CPS1: variants seen among roughly 807,000 people sequenced by gnomAD.
CPS1 encodes the protein carbamoyl-phosphate synthase 1, also known as carbamoyl-phosphate synthase [ammonia], mitochondrial.
CPS1 carries 109 observed loss-of-function variants against 174.6 expected under a neutral mutation model. The observed-to-expected ratio is 0.62, with a 90% CI of 0.53 to 0.73. The LOEUF is 0.73. Ranked by LOEUF, CPS1 falls within the 30% of genes least tolerant of loss-of-function variation. The pLI, the probability that CPS1 is intolerant of heterozygous loss-of-function variation, is 0.00. For missense variants in CPS1, 1,689 were observed against 1,821.9 expected (o/e 0.93, Z 1.33); for synonymous variants, 637 against 632.0 (o/e 1.01, Z -0.12).
intron 7 of CPS1, 53 bp from the exon 8 acceptor site, chr2:210,590,053 C>T: frequency 6.2e-7 from 1 of 1,609,246 alleles, no homozygotes; most frequent in African/African-American, 1.3e-5. Flanking sequence ...CAAAATTATA[C>T]TTTGGCAAAG....
intron 21 of CPS1, among the ~76,000 whole-genome samples, chr2:210,627,381 C>G (rs890130967): frequency 6.6e-6 from 1 of 152,012 alleles, no homozygotes; most frequent in African/African-American, 2.4e-5. Context: ...GTACAAATAC[C>G]TTGCCTTCCA....
At chr2:210,641,743 T>A (rs1267591538) in intron 24 of CPS1, among the ~76,000 whole-genome samples, 2 of 152,228 alleles carry the variant, frequency 1.3e-5, no homozygotes, top group African/African-American at 4.8e-5. Flanking sequence ...GCTTACTTGA[T>A]AGTTGCCATT....
chr2:210,667,564 G>T (rs1004839542), intron 33 of CPS1, among the ~76,000 whole-genome samples: 2 of 152,088 alleles, frequency 1.3e-5, no homozygotes, highest in African/African-American at 2.4e-5. Flanking sequence ...TCCCCATATG[G>T]CTGTGGTATT....
At chr2:210,668,701 C>T (rs908293034) in intron 34 of CPS1, among the ~76,000 whole-genome samples, 1 of 152,060 alleles carries the variant, frequency 6.6e-6, no homozygotes, top group Non-Finnish European at 1.5e-5. Context: ...TGATTTTCCC[C>T]CTTGCCAATT....
chr2:210,597,389 C>A (rs1428509745), intron 13 of CPS1, among the ~76,000 whole-genome samples: 1 of 151,770 alleles, frequency 6.6e-6, no homozygotes. Context: ...GCTATGTGAC[C>A]TTTAGCAAAC....
chr2:210,578,324 G>A (rs891528817), intron 4 of CPS1, among the ~76,000 whole-genome samples: 2 of 152,040 alleles, frequency 1.3e-5, no homozygotes, highest in Non-Finnish European at 2.9e-5. Flanking sequence ...TGGCCAGGCT[G>A]GTCTCAAACT....
intron 1 of CPS1, among the ~76,000 whole-genome samples, chr2:210,535,377 T>C (rs1696219228): frequency 6.6e-6 from 1 of 152,116 alleles, no homozygotes; most frequent in African/African-American, 2.4e-5. Flanking sequence ...TCCCAATCCC[T>C]CCACATATTA....
intron 1 of CPS1, among the ~76,000 whole-genome samples, chr2:210,529,820 C>T (rs1034159295): frequency 3.3e-5 from 5 of 151,866 alleles, no homozygotes; most frequent in African/African-American, 1.2e-4. Context: ...TTATTCTATC[C>T]CCATTTTATT....
At chr2:210,666,106 T>G (rs1288522031) in intron 33 of CPS1, among the ~76,000 whole-genome samples, 1 of 152,070 alleles carries the variant, frequency 6.6e-6, no homozygotes, top group Non-Finnish European at 1.5e-5. Flanking sequence ...ATGTGTCTTT[T>G]GGCTGCATAA....
Position 210,590,127 on chromosome 2 carries a change from G to C in CPS1, c.733G>C (p.Val245Leu). The C allele has an allele frequency of 6.2e-7, 1 of 1,612,826 alleles. No individual in the cohort carries two copies. The highest frequency in any genetic ancestry group is 8.5e-7 in the Non-Finnish European group (1 of 1,179,130). The change falls in exon 8 of 38, where the codon GTT becomes CTT. Residue 245 changes from valine to leucine, a missense_variant. Coordinates refer to ENST00000233072, the MANE Select transcript of CPS1 (RefSeq NM_001875.5). ...LVKRGAEVHL[V>L]PWNHDFTKME... ...CCAGCGAGGAGCTGAAGTGCACTTA[G>C]TTCCCTGGAACCATGATTTCACCAA...
intron 1 of CPS1, among the ~76,000 whole-genome samples, chr2:210,523,934 G>GGCTAGCCA (rs778801142): frequency 6.6e-6 from 1 of 151,928 alleles, no homozygotes; most frequent in Non-Finnish European, 1.5e-5. Context: ...TGAGGTCAAG[G>GGCTAGCCA]GCTAGCCATA....
At chr2:210,644,554 T>C (rs919250307) in intron 25 of CPS1, among the ~76,000 whole-genome samples, 1 of 152,156 alleles carries the variant, frequency 6.6e-6, no homozygotes, top group African/African-American at 2.4e-5. Flanking sequence ...GTACAGATAG[T>C]AGAATTTTAT....
chr2:210,663,928 C>T (rs1701005990), intron 33 of CPS1, among the ~76,000 whole-genome samples: 3 of 151,936 alleles, frequency 2.0e-5, no homozygotes, highest in African/African-American at 7.3e-5. Flanking sequence ...GACTGTGAGC[C>T]ATCATTGTTT....
At chr2:210,564,993 A>T (rs537333369) in intron 1 of CPS1, among the ~76,000 whole-genome samples, 6 of 151,710 alleles carry the variant, frequency 4.0e-5, no homozygotes, top group Non-Finnish European at 8.8e-5. Context: ...ATTTCATCTC[A>T]AAAAATAAAT....
chr2:210,524,151 T>C (rs1432071069), intron 1 of CPS1, among the ~76,000 whole-genome samples: 1 of 152,028 alleles, frequency 6.6e-6, no homozygotes, highest in Non-Finnish European at 1.5e-5. Flanking sequence ...CTATGCTCTT[T>C]ATCTTTATAA....
chr2:210,513,604 G>T (rs1024427112), intron 1 of CPS1, among the ~76,000 whole-genome samples: 1 of 151,916 alleles, frequency 6.6e-6, no homozygotes, highest in Admixed American at 6.6e-5. Context: ...TTTGTTGGAT[G>T]CATAGTTTGC....
chr2:210,585,878 A>C (rs996289166), intron 6 of CPS1, among the ~76,000 whole-genome samples: 4 of 151,688 alleles, frequency 2.6e-5, no homozygotes, highest in African/African-American at 9.7e-5. Flanking sequence ...CGCTCCTGTG[A>C]CAAAACCTTG....
At chr2:210,579,835 G>A in intron 5 of CPS1, 65 bp downstream of exon 5, 5 of 1,232,956 alleles carry the variant, frequency 4.1e-6, no homozygotes, top group Non-Finnish European at 5.8e-6. Flanking sequence ...TGTGTGTGTG[G>A]TGTTTCCCTC....
chr2:210,486,008 T>C (rs1289686223), intron 1 of CPS1, among the ~76,000 whole-genome samples: 2 of 151,400 alleles, frequency 1.3e-5, no homozygotes, highest in Non-Finnish European at 2.9e-5. Context: ...AACTTTCATG[T>C]CCCTAATTAC....
Sources: allele counts gnomAD v4.1 joint callset (sites outside exome capture counted in the v4.1 genomes callset), GRCh38; gene constraint gnomAD v4.1.1; transcripts MANE v1.5; gene names NCBI Gene and HGNC (gene_info 2026-07-23, HGNC 2026-07-21).